Variants in PRORP observed in about 807,000 individuals in gnomAD.
PRORP encodes mitochondrial ribonuclease P catalytic subunit.
In PRORP, 51 loss-of-function variants were observed where a neutral mutation model predicts 59.4. The ratio of observed to expected loss-of-function variants is 0.86; its 90% CI spans 0.69 to 1.08. PRORP has a LOEUF of 1.08. Among genes scored for constraint, PRORP ranks in the 50% least tolerant of loss-of-function variants. The probability of loss-of-function intolerance (pLI) is 0.00; values close to 1 mark genes in which losing one functional copy is unlikely to be tolerated. For missense variants in PRORP, 646 were observed against 690.3 expected (o/e 0.94, Z 0.72); for synonymous variants, 231 against 245.6 (o/e 0.94, Z 0.55).
intron 5 of PRORP, among the ~76,000 whole-genome samples, chr14:35,209,611 G>A (rs2049385362): frequency 6.6e-6 from 1 of 151,984 alleles, no homozygotes; most frequent in Admixed American, 6.6e-5. Context: ...GAGTGCAGTG[G>A]CTGCAACCTC....
intron 4 of PRORP, 77 bp from the exon 5 acceptor site, chr14:35,180,592 TA>T (rs1376441835): frequency 1.2e-5 from 9 of 743,494 alleles, no homozygotes; most frequent in Non-Finnish European, 1.8e-5. Context: ...AAAACAATAA[TA>T]AAGGTCACTG....
chr14:35,202,001 G>C (rs1391274573), intron 5 of PRORP, among the ~76,000 whole-genome samples: 8 of 137,530 alleles, frequency 5.8e-5, no homozygotes, highest in Non-Finnish European at 1.1e-4. Flanking sequence ...ACAGAGTCTC[G>C]ACCTGTCACC....
At chr14:35,212,006 T>C (rs1366556371) in intron 5 of PRORP, among the ~76,000 whole-genome samples, 1 of 152,226 alleles carries the variant, frequency 6.6e-6, no homozygotes, top group African/African-American at 2.4e-5. Flanking sequence ...TCCTTTGTTA[T>C]CATTTCAACA....
chr14:35,263,179 G>A (rs1165338204), intron 5 of PRORP: 1 of 654,876 alleles, frequency 1.5e-6, no homozygotes, highest in African/African-American at 1.8e-5. Context: ...CTGGTAAATA[G>A]ACATTAACAA....
intron 4 of PRORP, among the ~76,000 whole-genome samples, chr14:35,168,643 A>C (rs753954173): frequency 6.6e-6 from 1 of 152,136 alleles, no homozygotes; most frequent in African/African-American, 2.4e-5. Context: ...ATTTTGTAAC[A>C]TGTCTGTCAA....
chr14:35,214,861 C>G (rs28396127), intron 5 of PRORP, among the ~76,000 whole-genome samples: 1 of 152,140 alleles, frequency 6.6e-6, no homozygotes, highest in African/African-American at 2.4e-5. Context: ...GAGCCGAGAT[C>G]GTGCCACTGC....
chr14:35,255,820 G>C (rs548194290), intron 5 of PRORP, among the ~76,000 whole-genome samples: 1 of 152,264 alleles, frequency 6.6e-6, no homozygotes, highest in Admixed American at 6.5e-5. Context: ...AGGGAGAAAA[G>C]ATAAATAGAT....
chr14:35,249,073 C>A (rs553230481), intron 5 of PRORP, among the ~76,000 whole-genome samples: 2 of 152,190 alleles, frequency 1.3e-5, no homozygotes, highest in South Asian at 4.2e-4. Context: ...AGTGGTCTTG[C>A]GTTCTCTCAG....
intron 5 of PRORP, among the ~76,000 whole-genome samples, chr14:35,253,343 AAGAG>A (rs199840591): frequency 0.18 from 26,421 of 142,960 alleles, 2,793 homozygotes; most frequent in East Asian, 0.3. Context: ...AAAAAAAAAA[AAGAG>A]AGAGAGAGAG....
chr14:35,242,985 T>C (rs191631705), intron 5 of PRORP, among the ~76,000 whole-genome samples: 63 of 152,340 alleles, frequency 4.1e-4, no homozygotes, highest in Non-Finnish European at 7.3e-4. Flanking sequence ...TATCTGTGTT[T>C]GTTTCCTTTG....
At chr14:35,239,833 G>A (rs1370211093) in intron 5 of PRORP, among the ~76,000 whole-genome samples, 2 of 152,170 alleles carry the variant, frequency 1.3e-5, no homozygotes, top group Non-Finnish European at 2.9e-5. Flanking sequence ...CCAGCACTTT[G>A]GGAGGCAGAG....
At chr14:35,256,426 G>T (rs1566531007) in intron 5 of PRORP, among the ~76,000 whole-genome samples, 1 of 143,078 alleles carries the variant, frequency 7.0e-6, no homozygotes, top group Non-Finnish European at 1.5e-5. Flanking sequence ...CCGCCTCCTG[G>T]GCTTAAGCGA....
intron 5 of PRORP, among the ~76,000 whole-genome samples, chr14:35,260,722 G>C (rs2050881135): frequency 6.6e-6 from 1 of 152,216 alleles, no homozygotes; most frequent in Admixed American, 6.5e-5. Context: ...TTCTGCCTCT[G>C]TATTCTTGCT....
intron 4 of PRORP, among the ~76,000 whole-genome samples, chr14:35,129,123 G>A (rs992908970): frequency 2.0e-5 from 3 of 151,798 alleles, no homozygotes; most frequent in African/African-American, 7.3e-5. Flanking sequence ...CAGGAGAATC[G>A]CTTGAACCCA....
intron 5 of PRORP, among the ~76,000 whole-genome samples, chr14:35,223,515 A>G (rs912889976): frequency 3.6e-5 from 5 of 137,974 alleles, no homozygotes; most frequent in African/African-American, 8.3e-5. Flanking sequence ...GCTGGAGTGC[A>G]GTGGTGTGAT....
At chr14:35,270,880 G>A (rs1259504086) in intron 7 of PRORP, among the ~76,000 whole-genome samples, 1 of 151,644 alleles carries the variant, frequency 6.6e-6, no homozygotes, top group African/African-American at 2.4e-5. Context: ...TCAGGAGATC[G>A]AGACCATCCT....
chr14:35,200,341 A>G (rs28472413), intron 5 of PRORP, among the ~76,000 whole-genome samples: 15,498 of 151,950 alleles, frequency 0.1, 867 homozygotes, highest in African/African-American at 0.15. Flanking sequence ...ACAGGCACCC[A>G]CCACCACGCC....
intron 5 of PRORP, among the ~76,000 whole-genome samples, chr14:35,230,037 A>T (rs1033057631): frequency 2.1e-5 from 3 of 145,882 alleles, no homozygotes; most frequent in Admixed American, 7.1e-5. Context: ...GCCAGATGTC[A>T]TTACTGTAAA....
At chr14:35,155,257 A>G (rs1467751116) in intron 4 of PRORP, among the ~76,000 whole-genome samples, 1 of 152,120 alleles carries the variant, frequency 6.6e-6, no homozygotes, top group East Asian at 1.9e-4. Context: ...GATGTCTGAG[A>G]TATGCTTCAA....
Sources: allele counts gnomAD v4.1 joint callset (sites outside exome capture counted in the v4.1 genomes callset), GRCh38; gene constraint gnomAD v4.1.1; transcripts MANE v1.5; gene names NCBI Gene and HGNC (gene_info 2026-07-23, HGNC 2026-07-21).